DOCK4: variants seen among roughly 807,000 people sequenced by gnomAD.
DOCK4 encodes dedicator of cytokinesis 4.
In DOCK4, 97 loss-of-function variants were observed where a neutral mutation model predicts 268.1. The ratio of observed to expected loss-of-function variants is 0.36; its 90% CI spans 0.31 to 0.43. DOCK4 has a LOEUF of 0.43. DOCK4 is among the 20% of genes least tolerant of loss of function. DOCK4 has a pLI of 1.00. For missense variants in DOCK4, 2,145 were observed against 2,455.7 expected (o/e 0.87, Z 2.67); for synonymous variants, 954 against 887.2 (o/e 1.08, Z -1.34).
rs1801245915 is a variant in DOCK4 at position 111,812,903 on chromosome 7, T to C, written c.2931-954A>G. 2.6e-5 allele frequency among the ~76,000 whole-genome samples: 4 copies of C among 152,166 alleles called. No homozygotes were observed. The South Asian group carries it at 8.3e-4, about 32-fold the overall frequency. On this transcript the variant is annotated intron_variant, in intron 27 of 52. Transcript: ENST00000428084. The stretch of plus-strand genomic sequence containing the variant: ...GAGAAATCAGGAAAAGCCTGACCAA[T>C]ACAGCCATAGGTAGCTCGCTGGGGA...
chr7:112,143,488 C>A (rs1362805176), intron 1 of DOCK4, among the ~76,000 whole-genome samples: 2 of 152,214 alleles, frequency 1.3e-5, no homozygotes, highest in African/African-American at 4.8e-5. Flanking sequence ...TCTCAAGCTA[C>A]AACTCTCTAT....
chr7:111,932,397 G>A (rs1392965179), intron 12 of DOCK4, among the ~76,000 whole-genome samples: 6 of 152,116 alleles, frequency 3.9e-5, no homozygotes, highest in South Asian at 4.1e-4. Context: ...GTAACAGGAC[G>A]CATAGGGAGA....
chr7:112,065,773 T>C (rs898820681), intron 1 of DOCK4, among the ~76,000 whole-genome samples: 30 of 152,098 alleles, frequency 2.0e-4, no homozygotes, highest in Non-Finnish European at 3.8e-4. Context: ...TTTTGTGTCA[T>C]GACAGTTTCT....
intron 32 of DOCK4, among the ~76,000 whole-genome samples, chr7:111,786,884 C>T (rs140528638): frequency 6.6e-6 from 1 of 152,282 alleles, no homozygotes; most frequent in East Asian, 1.9e-4. Context: ...TTAAGTATCA[C>T]TTTTGATTTG....
At chr7:112,170,454 C>T (rs1817991995) in intron 1 of DOCK4, among the ~76,000 whole-genome samples, 3 of 151,606 alleles carry the variant, frequency 2.0e-5, no homozygotes, top group Admixed American at 2.0e-4. Context: ...GAATAATACC[C>T]CGTCTTAAAA....
chr7:112,089,444 C>T (rs1809421253), intron 1 of DOCK4, among the ~76,000 whole-genome samples: 1 of 152,132 alleles, frequency 6.6e-6, no homozygotes, highest in African/African-American at 2.4e-5. Context: ...TTATAAATAT[C>T]TTAGTTACAG....
chr7:112,108,646 G>T (rs1811349087), intron 1 of DOCK4, among the ~76,000 whole-genome samples: 1 of 152,166 alleles, frequency 6.6e-6, no homozygotes, highest in Non-Finnish European at 1.5e-5. Context: ...ATCATTAAAA[G>T]AACATTGACC....
chr7:112,179,140 A>G (rs911908823), intron 1 of DOCK4, among the ~76,000 whole-genome samples: 10 of 152,208 alleles, frequency 6.6e-5, no homozygotes, highest in Admixed American at 2.6e-4. Context: ...TAATCTCAGC[A>G]CTTTAGAAGG....
chr7:112,075,744 A>G (rs981070995), intron 1 of DOCK4, among the ~76,000 whole-genome samples: 1 of 152,174 alleles, frequency 6.6e-6, no homozygotes, highest in African/African-American at 2.4e-5. Flanking sequence ...AACTTTTGAT[A>G]GTGCAAACAT....
intron 1 of DOCK4, among the ~76,000 whole-genome samples, chr7:112,039,991 T>C (rs993787479): frequency 1.3e-5 from 2 of 152,146 alleles, no homozygotes; most frequent in African/African-American, 2.4e-5. Flanking sequence ...TTTTTACTAA[T>C]AAAATGTAAG....
intron 20 of DOCK4, 45 bp from the exon 21 acceptor site, chr7:111,869,700 T>C: frequency 1.9e-6 from 3 of 1,554,980 alleles, no homozygotes; most frequent in Non-Finnish European, 2.7e-6. Context: ...TTGGTCTAAT[T>C]CTCAATTAAA....
At chr7:111,957,692 A>G (rs2134946137) in intron 8 of DOCK4, among the ~76,000 whole-genome samples, 1 of 152,292 alleles carries the variant, frequency 6.6e-6, no homozygotes, top group South Asian at 2.1e-4. Flanking sequence ...TTATTCAATG[A>G]TGTGTTCCCA....
intron 12 of DOCK4, among the ~76,000 whole-genome samples, chr7:111,928,605 T>TTA (rs1437771950): frequency 6.7e-6 from 1 of 149,862 alleles, no homozygotes; most frequent in African/African-American, 2.5e-5. Context: ...TTTTTTTTTT[T>TTA]AAGATGGAGT....
intron 1 of DOCK4, among the ~76,000 whole-genome samples, chr7:112,034,165 C>T (rs918247461): frequency 6.6e-6 from 1 of 152,196 alleles, no homozygotes; most frequent in African/African-American, 2.4e-5. Context: ...GAGATAACCA[C>T]AGTTTTACAA....
In DOCK4 at chr7:111,739,154, T is replaced by C. The variant is rs1454508883; in HGVS notation, c.5212A>G (p.Thr1738Ala). 1.2e-6 allele frequency: 2 copies of C among 1,613,854 alleles called. No homozygotes were observed. The highest frequency in any genetic ancestry group is 2.2e-5 in the East Asian group (1 of 44,876). ...AGTACCTGCGAAGGCTCCACAGGTG[T>C]TGGATAGATGGCACTGCATGGTCTC... ...RERPCSAIYP[T>A]PVEPSQRMLF... Residue 1738 changes from threonine (T) to alanine (A), a missense_variant, in exon 49 of 53, where the codon ACA (threonine) becomes GCA (alanine). Thr to Ala is a moderately conservative substitution (Grantham distance 58, BLOSUM62 0). Transcript: ENST00000428084.
chr7:111,754,111 A>C (rs1362668009), intron 42 of DOCK4, among the ~76,000 whole-genome samples: 1 of 152,218 alleles, frequency 6.6e-6, no homozygotes, highest in African/African-American at 2.4e-5. Flanking sequence ...CACTTCTACA[A>C]GTTGGACCCA....
At chr7:111,732,894 A>G (rs1203977078) in intron 51 of DOCK4, among the ~76,000 whole-genome samples, 1 of 152,122 alleles carries the variant, frequency 6.6e-6, no homozygotes, top group African/African-American at 2.4e-5. Context: ...GTCTCTATGG[A>G]TTTCATCATC....
chr7:112,023,752 A>G lies in DOCK4; in HGVS notation c.38-19621T>C, dbSNP rs1336523953. 3.9e-5 allele frequency: 12 copies of G among 304,864 alleles called. No individual in the cohort carries two copies. In the East Asian group the frequency reaches 1.0e-3, roughly 26 times the overall value. The allele number at this position is 304,864 out of a possible 1,614,324, so 18.9% of individuals were successfully genotyped here. The stretch of plus-strand genomic sequence containing the variant: ...ATACCTTGTGCAGCATTATTTCTGC[A>G]ACTTGAAAATCCATAAAGAAAATCC... On this transcript the variant is annotated intron_variant, in intron 1 of 52. Coordinates refer to ENST00000428084, the MANE Select transcript of DOCK4 (RefSeq NM_001363540.2).
chr7:111,972,538 T>C (rs1290036167), intron 8 of DOCK4, among the ~76,000 whole-genome samples: 1 of 152,160 alleles, frequency 6.6e-6, no homozygotes, highest in Non-Finnish European at 1.5e-5. Context: ...ATGTGAGGAA[T>C]AAACACCCTG....
Sources: gnomAD v4.1 joint callset for allele counts (sites outside exome capture counted in the v4.1 genomes callset) on GRCh38, gnomAD v4.1.1 for gene constraint, MANE v1.5 for transcripts, NCBI Gene and HGNC (gene_info 2026-07-23, HGNC 2026-07-21) for gene names.